PACRG: variants seen among roughly 807,000 people sequenced by gnomAD.
The protein encoded by PACRG is parkin coregulated.
Under a neutral mutation model 29.7 loss-of-function variants are expected in PACRG, and 29 were observed. The observed-to-expected ratio is 0.98, with a 90% CI of 0.73 to 1.33. The LOEUF (loss-of-function observed/expected upper bound fraction) is 1.33, where lower values mean the gene tolerates loss of function less well. Among genes scored for constraint, PACRG ranks in the 40% most tolerant of loss-of-function variants. PACRG has a pLI of 0.00. For synonymous variants in PACRG, 116 were observed against 118.7 expected (o/e 0.98, Z 0.15); for missense variants, 279 against 316.2 (o/e 0.88, Z 0.89).
At chr6:162,807,907 CTT>C (rs1786495613) in intron 1 of PACRG, among the ~76,000 whole-genome samples, 1 of 152,136 alleles carries the variant, frequency 6.6e-6, no homozygotes, top group Non-Finnish European at 1.5e-5. Context: ...AGACTCATAT[CTT>C]TTCTGACTAT....
intron 2 of PACRG, among the ~76,000 whole-genome samples, chr6:162,954,221 A>G (rs1799857275): frequency 6.6e-6 from 1 of 152,188 alleles, no homozygotes; most frequent in Non-Finnish European, 1.5e-5. Flanking sequence ...GCTCAAAGCA[A>G]TTGTCTAGTT....
intron 4 of PACRG, among the ~76,000 whole-genome samples, chr6:163,230,465 A>G (rs6455872): frequency 0.57 from 86,103 of 152,062 alleles, 25,064 homozygotes; most frequent in African/African-American, 0.7. Context: ...TCCTCCTCCT[A>G]TTTTAAGTTC....
chr6:163,204,644 A>C, intron 4 of PACRG, among the ~76,000 whole-genome samples: 1 of 152,322 alleles, frequency 6.6e-6, no homozygotes, highest in Non-Finnish European at 1.5e-5. Flanking sequence ...TCAGGAGCTA[A>C]GAATGGAGGA....
At chr6:163,169,342 G>A (rs923802438) in intron 4 of PACRG, among the ~76,000 whole-genome samples, 2 of 152,202 alleles carry the variant, frequency 1.3e-5, no homozygotes, top group Non-Finnish European at 2.9e-5. Flanking sequence ...ATGAGGCGTC[G>A]GTGGGAGCAG....
chr6:162,895,406 T>C (rs998072408), intron 2 of PACRG, among the ~76,000 whole-genome samples: 2 of 152,200 alleles, frequency 1.3e-5, no homozygotes, highest in Admixed American at 1.3e-4. Context: ...CCAAAGCTCA[T>C]GGCCTTTGTA....
intron 1 of PACRG, among the ~76,000 whole-genome samples, chr6:162,787,732 A>G (rs1784621503): frequency 6.6e-6 from 1 of 151,016 alleles, no homozygotes; most frequent in Non-Finnish European, 1.5e-5. Context: ...AGGTTTGCAA[A>G]ATATTTTTTG....
chr6:162,897,750 C>T (rs1795272636), intron 2 of PACRG, among the ~76,000 whole-genome samples: 1 of 152,184 alleles, frequency 6.6e-6, no homozygotes, highest in South Asian at 2.1e-4. Flanking sequence ...AGCACCAGTG[C>T]TGTATTAGTG....
At chr6:163,200,982 A>C (rs1394403577) in intron 4 of PACRG, among the ~76,000 whole-genome samples, 1 of 152,180 alleles carries the variant, frequency 6.6e-6, no homozygotes, top group Non-Finnish European at 1.5e-5. Flanking sequence ...TCCGCAGAAC[A>C]TGGGTCCTGC....
chr6:162,922,358 T>C (rs1051115824), intron 2 of PACRG, among the ~76,000 whole-genome samples: 8 of 151,182 alleles, frequency 5.3e-5, no homozygotes, highest in Admixed American at 1.3e-4. Context: ...GCTGTCTGTC[T>C]ACTCTAACAC....
intron 2 of PACRG, among the ~76,000 whole-genome samples, chr6:163,030,330 A>G (rs1025479953): frequency 1.3e-5 from 2 of 152,236 alleles, no homozygotes; most frequent in African/African-American, 4.8e-5. Flanking sequence ...CTAGATATAT[A>G]GAATTAGCCA....
intron 4 of PACRG, among the ~76,000 whole-genome samples, chr6:163,301,046 G>A (rs190325848): frequency 6.7e-6 from 1 of 149,460 alleles, no homozygotes; most frequent in East Asian, 2.0e-4. Flanking sequence ...CTGCCCGTGA[G>A]TTTAGTAGGG....
chr6:163,086,905 A>G lies in PACRG; in HGVS notation c.464-2354A>G, dbSNP rs566102977. ...ATTTTTAAAAATAAAGTGGGGTATGATTCATCCCTTTCAGCAACAAACTAG... is the reference window on the plus strand; with the variant it reads ...ATTTTTAAAAATAAAGTGGGGTATGGTTCATCCCTTTCAGCAACAAACTAG... On this transcript the variant is annotated intron_variant, in intron 3 of 4. Coordinates refer to ENST00000366888, the MANE Select transcript of PACRG (RefSeq NM_001080379.2). Among the ~76,000 whole-genome samples, 219 of 152,216 alleles carry G rather than the reference A, an allele frequency of 1.4e-3. 4 individuals carry two copies. In the South Asian group the frequency reaches 0.045, roughly 31 times the overall value.
At chr6:163,245,305 A>C (rs1475194888) in intron 4 of PACRG, 1 of 215,430 alleles carries the variant, frequency 4.6e-6, no homozygotes, top group Non-Finnish European at 9.5e-6. Context: ...TCTATAAACT[A>C]TGCCATTTTC....
chr6:163,300,276 T>C (rs954863870), intron 4 of PACRG, among the ~76,000 whole-genome samples: 1 of 152,152 alleles, frequency 6.6e-6, no homozygotes, highest in African/African-American at 2.4e-5. Context: ...TGACGTTGAA[T>C]TTGGAAGCCT....
At chr6:162,874,872 C>T (rs1057333642) in intron 2 of PACRG, among the ~76,000 whole-genome samples, 29 of 151,942 alleles carry the variant, frequency 1.9e-4, no homozygotes, top group African/African-American at 6.8e-4. Flanking sequence ...TTCTCACACT[C>T]ACACACCCAT....
chr6:162,897,382 A>T (rs944500767), intron 2 of PACRG, among the ~76,000 whole-genome samples: 1 of 152,206 alleles, frequency 6.6e-6, no homozygotes, highest in Non-Finnish European at 1.5e-5. Context: ...TGCAAGCCTC[A>T]AGCCTGAGGA....
chr6:162,852,893 A>G (rs1460000485), intron 2 of PACRG, among the ~76,000 whole-genome samples: 2 of 152,098 alleles, frequency 1.3e-5, no homozygotes, highest in African/African-American at 4.8e-5. Context: ...TCTGCCTTCA[A>G]TTTTCTTGAA....
At chr6:163,295,403 G>A (rs1784750006) in intron 4 of PACRG, among the ~76,000 whole-genome samples, 1 of 152,142 alleles carries the variant, frequency 6.6e-6, no homozygotes, top group African/African-American at 2.4e-5. Context: ...CCCTTAGCAA[G>A]GAAGCAGACT....
At chr6:163,179,325 C>A (rs1779537499) in intron 4 of PACRG, 1 of 447,000 alleles carries the variant, frequency 2.2e-6, no homozygotes, top group Non-Finnish European at 4.5e-6. Flanking sequence ...TGAGCCACTG[C>A]TCCCAAGACG....
Sources: allele counts gnomAD v4.1 joint callset (sites outside exome capture counted in the v4.1 genomes callset), GRCh38; gene constraint gnomAD v4.1.1; transcripts MANE v1.5; gene names NCBI Gene and HGNC (gene_info 2026-07-23, HGNC 2026-07-21).